AXIN1: variants seen among roughly 807,000 people sequenced by gnomAD.
AXIN1 encodes axin 1, also known as axin-1.
A neutral mutation model predicts 76.4 loss-of-function variants in AXIN1; 30 were observed. The observed-to-expected ratio is 0.39, with a 90% CI of 0.29 to 0.53. The LOEUF is 0.53. Ranked by LOEUF, AXIN1 falls within the 20% of genes least tolerant of loss-of-function variation. The pLI is 0.66. For synonymous variants in AXIN1, 545 were observed against 501.4 expected (o/e 1.09, Z -1.16); for missense variants, 1,140 against 1,198.8 (o/e 0.95, Z 0.72).
intron 3 of AXIN1, among the ~76,000 whole-genome samples, chr16:310,297 C>CA (rs1241928671): frequency 6.6e-6 from 1 of 152,198 alleles, no homozygotes. Context: ...GGTGCCCAGC[C>CA]ACGCGTCTTC....
At chr16:306,731 C>T (rs1412945881) in intron 4 of AXIN1, among the ~76,000 whole-genome samples, 7 of 152,318 alleles carry the variant, frequency 4.6e-5, no homozygotes, top group Non-Finnish European at 8.8e-5. Flanking sequence ...GCCAAGGGCA[C>T]GCCCAGGACA....
chr16:303,513 T>C (rs1051924945), intron 5 of AXIN1, among the ~76,000 whole-genome samples: 1 of 151,906 alleles, frequency 6.6e-6, no homozygotes, highest in Non-Finnish European at 1.5e-5. Context: ...TCCTGAGTAG[T>C]TGGGATTACA....
chr16:345,446 G>A (rs1045880030), intron 2 of AXIN1, among the ~76,000 whole-genome samples: 1 of 152,220 alleles, frequency 6.6e-6, no homozygotes, highest in South Asian at 2.1e-4. Flanking sequence ...CGGATGCGGC[G>A]GCTCACGCCT....
chr16:320,684 T>C (rs1447914213), intron 2 of AXIN1, among the ~76,000 whole-genome samples: 1 of 149,762 alleles, frequency 6.7e-6, no homozygotes, highest in Non-Finnish European at 1.5e-5. Context: ...TATATATGTG[T>C]GTATATATGT....
intron 2 of AXIN1, among the ~76,000 whole-genome samples, chr16:334,012 C>G (rs1465303291): frequency 1.4e-5 from 2 of 142,094 alleles, no homozygotes; most frequent in Non-Finnish European, 3.0e-5. Flanking sequence ...CATCCAATAA[C>G]ACAGCACGCA....
At chr16:303,122 A>G (rs71378510) in intron 5 of AXIN1, among the ~76,000 whole-genome samples, 10,420 of 152,148 alleles carry the variant, frequency 0.068, 555 homozygotes, top group Admixed American at 0.1. Flanking sequence ...TCAGCCTCCC[A>G]TAGTGTTGGG....
intron 4 of AXIN1, among the ~76,000 whole-genome samples, chr16:308,463 G>C (rs2053086069): frequency 6.6e-6 from 1 of 152,216 alleles, no homozygotes; most frequent in Non-Finnish European, 1.5e-5. Flanking sequence ...CCAAAATCGG[G>C]GCACCCCTGT....
rs2141458328 is a variant in AXIN1, at chr16:288,066, T to A, written c.*56A>T. 1 of 1,611,538 alleles carries A rather than the reference T, an allele frequency of 6.2e-7. No homozygotes were observed. Among genetic ancestry groups the A allele is most frequent in the East Asian group, 2.2e-5 (1 of 44,878 alleles). ...GAGTACGAGGTCATCTGCCTGGCCG[T>A]GACACCCGTGCCCGCCAAGGGCCTC... On this transcript the variant is annotated 3_prime_UTR_variant, in exon 11 of 11. Transcript: ENST00000262320.
rs1308461176 is a variant in AXIN1, at chr16:297,176, C to G, written c.1835G>C (p.Gly612Ala). ...TGGCACCTCGGTGCTGGCGCTCTTC[C>G]CCGACTCAGCCTTCTTGGCATTTCT... ...CKRNAKKAES[G>A]KSASTEVPGA... Residue 612 changes from glycine to alanine, a missense_variant, in exon 7 of 11, where the codon GGG becomes GCG. This residue lies in a region of AXIN1 where 429 missense variants were observed against 405.8 expected (regional missense o/e 1.06). Transcript: ENST00000262320. The G allele has an allele frequency of 6.2e-7, 1 of 1,611,298 alleles. No individual in the cohort carries two copies.
intron 2 of AXIN1, among the ~76,000 whole-genome samples, chr16:327,249 AG>A (rs2053603971): frequency 1.3e-5 from 2 of 152,228 alleles, no homozygotes; most frequent in Admixed American, 6.5e-5. Flanking sequence ...CCTCAGGGGC[AG>A]GAACAGGTGA....
At position 346,664 on chromosome 16, in the gene AXIN1, C is replaced by T. The variant is rs2141705601; in HGVS notation, c.362G>A (p.Cys121Tyr). 6.4e-7 allele frequency: 1 copy of T among 1,570,744 alleles called. No homozygotes were observed. Among genetic ancestry groups the T allele is most frequent in the Non-Finnish European group, 8.6e-7 (1 of 1,159,116 alleles). Residue 121 changes from cysteine (C) to tyrosine (Y), a missense_variant, in exon 2 of 11, where the codon TGC (cysteine) becomes TAC (tyrosine). Transcript: ENST00000262320. The part of the protein sequence containing the change: ...CADLLDFWFA[C>Y]TGFRKLEPCD... ...GGGCTCCAGCTTCCTGAAGCCAGTG[C>T]AGGCAAACCAGAAGTCCAGCAAGTC...
In AXIN1 at chr16:335,098, T is replaced by C. The variant is rs188431218; in HGVS notation, c.878+11050A>G. The stretch of plus-strand genomic sequence containing the variant: ...AAGTGGACACATAACAAAGCCAAAA[T>C]AAAAACGGCCTGGACTGCTTTTATT... On this transcript the variant is annotated intron_variant, in intron 2 of 10. Transcript: ENST00000262320. Among the ~76,000 whole-genome samples the C allele has an allele frequency of 1.1e-3, 168 of 151,940 alleles. 3 individuals carry two copies. The highest frequency in any genetic ancestry group is 3.7e-3 in the African/African-American group (153 of 41,354).
In AXIN1 at chr16:347,027, T is replaced by C. The variant is rs764937533; in HGVS notation, c.-2A>G. On this transcript the variant is annotated 5_prime_UTR_variant, in exon 2 of 11. Coordinates refer to ENST00000262320, the MANE Select transcript of AXIN1 (RefSeq NM_003502.4). ...GAAACCCTGCTCTTGGATATTCATT[T>C]TGGGACTCTGCGTCAAGGAACAATG... The C allele has an allele frequency of 1.1e-5, 17 of 1,614,140 alleles. No individual in the cohort carries two copies. The highest frequency in any genetic ancestry group is 1.4e-5 in the Non-Finnish European group (17 of 1,180,038).
rs2141459557 is a variant in AXIN1 at position 288,183 on chromosome 16, T to G, written c.2528A>C (p.Asp843Ala). The G allele has an allele frequency of 6.2e-7, 1 of 1,613,672 alleles. No individual in the cohort carries two copies. Among genetic ancestry groups the G allele is most frequent in the Non-Finnish European group, 8.5e-7 (1 of 1,179,990 alleles). Residue 843 changes from aspartate (D) to alanine (A), a missense_variant, in exon 11 of 11, where the codon GAC becomes GCC. Coordinates refer to ENST00000262320, the MANE Select transcript of AXIN1 (RefSeq NM_003502.4). ...CGVVFEEVRE[D>A]EAVLPVFEEK... ...CTCAAAGACGGGCAGGACGGCCTCG[T>G]CCTCTCGAACCTCCTCAAACACCAC...
At position 293,436 on chromosome 16, in the gene AXIN1, G is replaced by A. The variant is rs2141484157; in HGVS notation, c.2186+52C>T. 3 of 1,554,956 alleles carry A rather than the reference G, an allele frequency of 1.9e-6. No individual in the cohort carries two copies. Among genetic ancestry groups the A allele is most frequent in the Admixed American group, 1.7e-5 (1 of 59,268 alleles). On this transcript the variant is annotated intron_variant, in intron 8 of 10. Transcript: ENST00000262320. This position sits in a 1 kb window ranked among gnomAD's most constrained non-coding sequence, Gnocchi z 4.6. ...GCCTCGGGGAGCTTCAGCCCCAGGA[G>A]TGGTGCTGTGGTAACCCCCAAGACC...
intron 7 of AXIN1, 52 bp downstream of exon 7, chr16:297,004 C>A: frequency 1.3e-6 from 2 of 1,595,030 alleles, no homozygotes; most frequent in Admixed American, 1.7e-5. Flanking sequence ...TGTGCGGAGG[C>A]CAGGGGTGGC....
At chr16:331,290 A>G (rs1310584239) in intron 2 of AXIN1, among the ~76,000 whole-genome samples, 6 of 152,190 alleles carry the variant, frequency 3.9e-5, no homozygotes, top group Non-Finnish European at 8.8e-5. Context: ...GTTCCCTTGA[A>G]GTAATTTAGA....
In AXIN1 at chr16:352,442, G is replaced by C; in HGVS notation, c.-155C>G. ...GGCGCGGTCCGGGCCCATGCGCTCA[G>C]CGGCAGCGCGGCGGGCGGGACCCGG... On this transcript the variant is annotated 5_prime_UTR_variant, in exon 1 of 11. Transcript: ENST00000262320. The C allele has an allele frequency of 7.2e-6, 7 of 974,454 alleles. No individual in the cohort carries two copies. Among genetic ancestry groups the C allele is most frequent in the Non-Finnish European group, 8.5e-6 (7 of 823,232 alleles). The allele number at this position is 974,454 out of a possible 1,614,324, so 60.4% of individuals were successfully genotyped here.
chr16:289,358 C>T (rs1191017501), intron 10 of AXIN1, 82 bp downstream of exon 10: 2 of 1,568,180 alleles, frequency 1.3e-6, no homozygotes, highest in Admixed American at 1.7e-5. Flanking sequence ...AGCCACTGTG[C>T]CCGGCTGGAA....
Sources: gnomAD v4.1 joint callset for allele counts (sites outside exome capture counted in the v4.1 genomes callset) on GRCh38, gnomAD v4.1.1 for gene constraint, gnomAD v4.1.1 regional missense constraint, Gnocchi (gnomAD v3.1) non-coding constraint, MANE v1.5 for transcripts, NCBI Gene and HGNC (gene_info 2026-07-23, HGNC 2026-07-21) for gene names.